Variants in KCTD15 observed in about 807,000 individuals in gnomAD.
KCTD15 encodes the protein BTB/POZ domain-containing protein KCTD15.
In KCTD15, 11 loss-of-function variants were observed where a neutral mutation model predicts 27.2. That is an observed-to-expected ratio of 0.41 (90% CI 0.25 to 0.67). The LOEUF (loss-of-function observed/expected upper bound fraction) is 0.67. Ranked by LOEUF, KCTD15 falls within the 30% of genes least tolerant of loss-of-function variation. The pLI is 0.35. For synonymous variants in KCTD15, 163 were observed against 176.0 expected (o/e 0.93, Z 0.58); for missense variants, 350 against 409.3 (o/e 0.86, Z 1.25).
chr19:33,794,950 G>A (rs866594735), upstream of KCTD15, among the ~76,000 whole-genome samples: 1 of 152,234 alleles, frequency 6.6e-6, no homozygotes, highest in African/African-American at 2.4e-5. Flanking sequence ...CTGGAAGCCC[G>A]GAGGTACCGG....
At chr19:33,796,130 T>C (rs1436404418), upstream of KCTD15, 1 of 151,558 alleles carries the variant, frequency 6.6e-6, no homozygotes, top group Non-Finnish European at 1.5e-5. Context: ...GTGTTACTTA[T>C]TTGGGAGCCG....
At chr19:33,799,439 G>C (rs539287779) in intron 2 of KCTD15, among the ~76,000 whole-genome samples, 8 of 152,220 alleles carry the variant, frequency 5.3e-5, no homozygotes, top group African/African-American at 1.4e-4. Context: ...ATGTGTGAAG[G>C]GGGGTGACTA....
intron 5 of KCTD15, among the ~76,000 whole-genome samples, chr19:33,808,076 G>C (rs941900516): frequency 6.6e-6 from 1 of 152,254 alleles, no homozygotes; most frequent in African/African-American, 2.4e-5. Context: ...CAGGTGACCT[G>C]GTTCCCTGGG....
At chr19:33,798,848 A>T (rs376397419) in intron 2 of KCTD15, 82 bp downstream of exon 2, 4 of 152,404 alleles carry the variant, frequency 2.6e-5, no homozygotes, top group East Asian at 3.9e-4. Context: ...GGCTTCTGTG[A>T]TGGAGGCTTG....
chr19:33,813,582 C>T lies in KCTD15; in HGVS notation c.*634C>T. ...GCTGCTGGGAGGAGAGTGGTGGGGG[C>T]CTGAGGGCTGAGTGATTCTGTAACC... is the stretch of plus-strand genomic sequence containing the variant. On this transcript the variant is annotated 3_prime_UTR_variant, in exon 7 of 7. Coordinates refer to ENST00000683859, the MANE Select transcript of KCTD15 (RefSeq NM_001129994.2). The T allele has an allele frequency of 2.8e-6, 1 of 352,202 alleles. No individual in the cohort carries two copies. The highest frequency in any genetic ancestry group is 5.6e-6 in the Non-Finnish European group (1 of 179,276). The allele number at this position is 352,202 out of a possible 1,614,324, so 21.8% of individuals were successfully genotyped here. A position where few individuals can be genotyped will look rare whatever the true frequency, so the allele number is the denominator to read the frequency against.
chr19:33,801,566 A>T, intron 4 of KCTD15: 1 of 439,506 alleles, frequency 2.3e-6, no homozygotes, highest in Non-Finnish European at 4.0e-6. Flanking sequence ...CGGCATTGGT[A>T]GTGCAAGGTG....
chr19:33,812,140 C>T (rs1975945248), intron 6 of KCTD15: 9 of 1,238,772 alleles, frequency 7.3e-6, no homozygotes, highest in Middle Eastern at 3.2e-4. Flanking sequence ...CCCCTGTGCA[C>T]GCATTCCACA....
At chr19:33,807,085 G>T (rs1419611257) in intron 5 of KCTD15, 78 bp downstream of exon 5, 3 of 1,474,140 alleles carry the variant, frequency 2.0e-6, no homozygotes, top group Admixed American at 2.2e-5. Context: ...TTAATAAGTG[G>T]ACCCCTGGTT....
intron 5 of KCTD15, among the ~76,000 whole-genome samples, chr19:33,809,998 G>A (rs913764197): frequency 3.9e-5 from 6 of 152,248 alleles, no homozygotes; most frequent in Non-Finnish European, 8.8e-5. Flanking sequence ...GACAGGCCCA[G>A]AGGTCAGGGT....
intron 1 of KCTD15, among the ~76,000 whole-genome samples, chr19:33,797,674 G>C (rs1975385063): frequency 6.7e-6 from 1 of 149,652 alleles, no homozygotes; most frequent in Admixed American, 6.8e-5. Context: ...CCCGGGGGCG[G>C]ACCCCCGCCT....
At chr19:33,799,106 C>T (rs1189363964) in intron 2 of KCTD15, among the ~76,000 whole-genome samples, 2 of 152,062 alleles carry the variant, frequency 1.3e-5, no homozygotes, top group Non-Finnish European at 1.5e-5. Context: ...TCAGGAATGC[C>T]AAAAGCAGTG....
intron 4 of KCTD15, among the ~76,000 whole-genome samples, chr19:33,805,962 T>C (rs1483785429): frequency 6.6e-6 from 1 of 152,224 alleles, no homozygotes; most frequent in Admixed American, 6.5e-5. Context: ...GTTAGAACCA[T>C]TGCCCTTCAG....
At chr19:33,795,865 T>TGCCCCAGCGCGTCCC (rs1253918724), upstream of KCTD15, 5 of 151,810 alleles carry the variant, frequency 3.3e-5, no homozygotes, top group Non-Finnish European at 7.4e-5. Flanking sequence ...GTCGGCCCGG[T>TGCCCCAGCGCGTCCC]GCCCCAGCGC....
In KCTD15 at chr19:33,812,993, C is replaced by G. The variant is rs1482253300; in HGVS notation, c.*45C>G. On this transcript the variant is annotated 3_prime_UTR_variant, in exon 7 of 7. Transcript: ENST00000683859. ...CTGGGCCCCCCCAGGGACCTGGAAA[C>G]AGTGCTGGGGAGTTCTGCCTGTGTA... 4.0e-6 allele frequency: 6 copies of G among 1,508,576 alleles called. No homozygotes were observed. Among genetic ancestry groups the G allele is most frequent in the Non-Finnish European group, 5.3e-6 (6 of 1,123,152 alleles). 93.4% of individuals were successfully genotyped at this position (1,508,576 alleles called of 1,614,324 possible).
chr19:33,800,872 CA>C (rs1007723728), intron 3 of KCTD15, among the ~76,000 whole-genome samples: 5 of 152,160 alleles, frequency 3.3e-5, no homozygotes, highest in African/African-American at 4.8e-5. Flanking sequence ...TAGAATTTTG[CA>C]GTTTGTTTTA....
chr19:33,805,981 G>T (rs569398926), intron 4 of KCTD15, among the ~76,000 whole-genome samples: 1 of 152,250 alleles, frequency 6.6e-6, no homozygotes. Context: ...AGAGGACAGG[G>T]TACCGGCACC....
intron 5 of KCTD15, among the ~76,000 whole-genome samples, chr19:33,808,352 G>C (rs1016142963): frequency 2.4e-4 from 36 of 152,216 alleles, no homozygotes; most frequent in African/African-American, 8.4e-4. Flanking sequence ...CTAGCGGGCA[G>C]ACAGATACTG....
chr19:33,810,666 A>G (rs1975865447), intron 5 of KCTD15, among the ~76,000 whole-genome samples: 1 of 141,800 alleles, frequency 7.1e-6, no homozygotes, highest in Non-Finnish European at 1.5e-5. Context: ...CTGTCTCAAA[A>G]AACAAAAACA....
At chr19:33,811,768 CTTTTT>C in intron 6 of KCTD15, 2 of 1,430,852 alleles carry the variant, frequency 1.4e-6, no homozygotes, top group Non-Finnish European at 1.9e-6. Context: ...TCGATCTGTA[CTTTTT>C]TTTTTTTTTT....
Sources: gnomAD v4.1 joint callset for allele counts (sites outside exome capture counted in the v4.1 genomes callset) on GRCh38, gnomAD v4.1.1 for gene constraint, MANE v1.5 for transcripts, NCBI Gene and HGNC (gene_info 2026-07-23, HGNC 2026-07-21) for gene names.